PARPBP: variants seen among roughly 807,000 people sequenced by gnomAD.
PARPBP encodes PARP1 binding protein.
PARPBP carries 52 observed loss-of-function variants against 50.0 expected under a neutral mutation model. The ratio of observed to expected loss-of-function variants is 1.04; its 90% CI spans 0.83 to 1.31. PARPBP has a LOEUF of 1.31. Among genes scored for constraint, PARPBP ranks in the 50% most tolerant of loss-of-function variants. PARPBP has a pLI of 0.00. For synonymous variants in PARPBP, 244 were observed against 232.1 expected, an observed-to-expected ratio of 1.05 and a Z score of -0.47; for missense variants, 697 against 672.0, an observed-to-expected ratio of 1.04 and a Z score of -0.41.
intron 4 of PARPBP, among the ~76,000 whole-genome samples, chr12:102,161,308 G>A (rs1474303830): frequency 4.0e-5 from 6 of 151,898 alleles, no homozygotes; most frequent in Non-Finnish European, 5.9e-5. Context: ...GGGTTTCGCT[G>A]TGTTGGCCAG....
At chr12:102,161,550 G>A (rs1887593394) in intron 4 of PARPBP, among the ~76,000 whole-genome samples, 1 of 152,068 alleles carries the variant, frequency 6.6e-6, no homozygotes, top group Admixed American at 6.5e-5. Context: ...ACTATAATGC[G>A]AGTCATTCTG....
At chr12:102,161,271 A>C (rs1887557221) in intron 4 of PARPBP, among the ~76,000 whole-genome samples, 1 of 151,548 alleles carries the variant, frequency 6.6e-6, no homozygotes, top group Non-Finnish European at 1.5e-5. Context: ...ACGTCCAGCT[A>C]ATTTTTTTGT....
At chr12:102,163,268 G>C (rs1565884683) in intron 4 of PARPBP, among the ~76,000 whole-genome samples, 1 of 152,188 alleles carries the variant, frequency 6.6e-6, no homozygotes, top group African/African-American at 2.4e-5. Context: ...AATTTAGATT[G>C]TTTCTCAGCA....
chr12:102,138,019 C>T (rs1362864939), intron 2 of PARPBP, among the ~76,000 whole-genome samples: 1 of 152,164 alleles, frequency 6.6e-6, no homozygotes, highest in Non-Finnish European at 1.5e-5. Context: ...GGTATATACC[C>T]AGTAATGGGA....
intron 3 of PARPBP, among the ~76,000 whole-genome samples, 183 bp from the exon 4 acceptor site, chr12:102,153,686 A>G (rs930972972): frequency 6.6e-6 from 1 of 152,228 alleles, no homozygotes; most frequent in African/African-American, 2.4e-5. Flanking sequence ...TTTGTGTAGC[A>G]CACAGGAAGA....
chr12:102,172,715 G>A (rs1466897851), intron 6 of PARPBP, among the ~76,000 whole-genome samples: 1 of 152,178 alleles, frequency 6.6e-6, no homozygotes, highest in East Asian at 1.9e-4. Flanking sequence ...GAAGGAATGA[G>A]AAAAGGAGGT....
rs1054574242 is a variant in PARPBP, at chr12:102,124,182, C to T, written c.153+141C>T. On this transcript the variant is annotated intron_variant, in intron 2 of 10. Coordinates refer to ENST00000327680, the MANE Select transcript of PARPBP (RefSeq NM_017915.5). ...GATAATACACCATTTTCACAAATGC[C>T]TCTGTGTATCTGTGTCAGAATGTTA... is the stretch of plus-strand genomic sequence containing the variant. 27 of 646,154 alleles carry T rather than the reference C, an allele frequency of 4.2e-5. No homozygotes were observed. In the African/African-American group the frequency reaches 4.2e-4, roughly 10 times the overall value. The allele number at this position is 646,154 out of a possible 1,614,324, so 40.0% of individuals were successfully genotyped here.
At chr12:102,140,505 C>G (rs919817642) in intron 2 of PARPBP, among the ~76,000 whole-genome samples, 5 of 151,940 alleles carry the variant, frequency 3.3e-5, no homozygotes, top group African/African-American at 1.2e-4. Flanking sequence ...CTGATCTTAG[C>G]TATTTCTTGC....
At chr12:102,122,444 A>G (rs150366852) in intron 1 of PARPBP, among the ~76,000 whole-genome samples, 2 of 152,360 alleles carry the variant, frequency 1.3e-5, no homozygotes, top group African/African-American at 4.8e-5. Context: ...TGTTTATGCC[A>G]CATAAAAATA....
rs56981176 is a variant in PARPBP at position 102,177,781 on chromosome 12, T to C, written c.1006-811T>C. Among the ~76,000 whole-genome samples, 482 of 152,338 alleles carry C rather than the reference T, an allele frequency of 3.2e-3. 2 individuals carry two copies. Among genetic ancestry groups the C allele is most frequent in the African/African-American group, 0.011 (449 of 41,586 alleles). On this transcript the variant is annotated intron_variant, in intron 7 of 10. Coordinates refer to ENST00000327680, the MANE Select transcript of PARPBP (RefSeq NM_017915.5). ...ATTTTTCCTCTGTAACAGACTGGCT[T>C]ATAACTTCTTGGCATGATATACAAA...
At chr12:102,130,748 G>A (rs113930783) in intron 2 of PARPBP, among the ~76,000 whole-genome samples, 19,419 of 151,714 alleles carry the variant, frequency 0.13, 1,394 homozygotes, top group Non-Finnish European at 0.17. Flanking sequence ...CCAGCTACTC[G>A]GGAGACTGAG....
intron 9 of PARPBP, among the ~76,000 whole-genome samples, chr12:102,184,108 T>C (rs1481195217): frequency 6.8e-6 from 1 of 147,646 alleles, no homozygotes; most frequent in African/African-American, 2.5e-5. Flanking sequence ...TCACTGACAG[T>C]GAAGTACGTT....
At chr12:102,190,608 G>GCT (rs1387793423) in intron 9 of PARPBP, among the ~76,000 whole-genome samples, 2 of 152,018 alleles carry the variant, frequency 1.3e-5, no homozygotes, top group Non-Finnish European at 2.9e-5. Context: ...AGTGCCCAGG[G>GCT]GTCCTTGAAA....
intron 8 of PARPBP, 78 bp from the exon 9 acceptor site, chr12:102,182,471 A>G (rs1889917365): frequency 1.0e-6 from 1 of 966,198 alleles, no homozygotes; most frequent in Non-Finnish European, 1.6e-6. Flanking sequence ...TTGGGAATTA[A>G]GTTTCAACGT....
intron 2 of PARPBP, among the ~76,000 whole-genome samples, chr12:102,134,363 A>T (rs1219041865): frequency 6.6e-6 from 1 of 152,154 alleles, no homozygotes; most frequent in Non-Finnish European, 1.5e-5. Context: ...GAAGAAATGG[A>T]TAAATTCCTT....
chr12:102,179,232 T>C (rs868099266), intron 8 of PARPBP, among the ~76,000 whole-genome samples: 2 of 152,200 alleles, frequency 1.3e-5, no homozygotes, highest in Admixed American at 6.5e-5. Context: ...CTGAGGCCTA[T>C]GCTCTCAGGA....
At chr12:102,154,359 T>A (rs77077913) in intron 4 of PARPBP, among the ~76,000 whole-genome samples, 10,474 of 152,200 alleles carry the variant, frequency 0.069, 487 homozygotes, top group Non-Finnish European at 0.11. Context: ...GTAGTACAGC[T>A]CATATATCAG....
intron 6 of PARPBP, among the ~76,000 whole-genome samples, chr12:102,172,759 T>G (rs1212840860): frequency 1.3e-5 from 2 of 152,108 alleles, no homozygotes; most frequent in Non-Finnish European, 2.9e-5. Flanking sequence ...TTTGAAGCAT[T>G]TTTTTTGTTC....
At chr12:102,187,383 G>A (rs534982656) in intron 9 of PARPBP, among the ~76,000 whole-genome samples, 1 of 152,142 alleles carries the variant, frequency 6.6e-6, no homozygotes, top group African/African-American at 2.4e-5. Flanking sequence ...TAGAGAAATA[G>A]TAGAAGTGGC....
Sources: allele counts gnomAD v4.1 joint callset (sites outside exome capture counted in the v4.1 genomes callset), GRCh38; gene constraint gnomAD v4.1.1; transcripts MANE v1.5; gene names NCBI Gene and HGNC (gene_info 2026-07-23, HGNC 2026-07-21).